WDPCP: variants seen among roughly 807,000 people sequenced by gnomAD.
WDPCP encodes WD repeat containing planar cell polarity effector.
In WDPCP, 71 loss-of-function variants were observed where a neutral mutation model predicts 93.1. That is an observed-to-expected ratio of 0.76 (90% CI 0.63 to 0.93). The LOEUF (loss-of-function observed/expected upper bound fraction) is 0.93. Ranked by LOEUF, WDPCP falls within the 40% of genes least tolerant of loss-of-function variation. The probability of loss-of-function intolerance (pLI) is 0.00; values close to 1 mark genes in which losing one functional copy is unlikely to be tolerated. For synonymous variants in WDPCP, 315 were observed against 315.0 expected, an observed-to-expected ratio of 1.00 and a Z score of 0.00; for missense variants, 844 against 887.4, an observed-to-expected ratio of 0.95 and a Z score of 0.62.
intron 3 of WDPCP, among the ~76,000 whole-genome samples, chr2:63,595,964 T>C (rs1185126542): frequency 2.6e-5 from 4 of 152,292 alleles, no homozygotes; most frequent in East Asian, 1.9e-4. Flanking sequence ...TGGAAGTTGG[T>C]TGGTTCCTCT....
intron 1 of WDPCP, among the ~76,000 whole-genome samples, chr2:63,503,554 C>T (rs1467566911): frequency 6.6e-6 from 1 of 152,082 alleles, no homozygotes; most frequent in Non-Finnish European, 1.5e-5. Context: ...CAGATACCTA[C>T]TTTTCTGATC....
At chr2:63,143,555 G>C (rs1480796340) in intron 17 of WDPCP, among the ~76,000 whole-genome samples, 1 of 152,116 alleles carries the variant, frequency 6.6e-6, no homozygotes, top group African/African-American at 2.4e-5. Context: ...ATGCTTTAAA[G>C]AGGTTCTGTT....
chr2:63,403,878 G>C (rs2105181362), intron 10 of WDPCP, 170 bp downstream of exon 10: 1 of 841,772 alleles, frequency 1.2e-6, no homozygotes, highest in East Asian at 2.7e-5. Context: ...GTGTTCCTTT[G>C]GCAGTTAGAA....
intron 14 of WDPCP, among the ~76,000 whole-genome samples, chr2:63,251,852 G>A (rs1011446619): frequency 6.6e-6 from 1 of 151,642 alleles, no homozygotes; most frequent in Non-Finnish European, 1.5e-5. Context: ...AATTATACTA[G>A]ATGTATAAAG....
At chr2:63,783,230 G>A (rs1261945282) in intron 2 of WDPCP, among the ~76,000 whole-genome samples, 1 of 151,848 alleles carries the variant, frequency 6.6e-6, no homozygotes, top group Non-Finnish European at 1.5e-5. Flanking sequence ...TGGACAATAT[G>A]GCAAGACTCT....
intron 2 of WDPCP, among the ~76,000 whole-genome samples, chr2:63,796,563 G>A (rs568985164): frequency 6.6e-6 from 1 of 152,348 alleles, no homozygotes; most frequent in South Asian, 2.1e-4. Flanking sequence ...GGGAGAAGGA[G>A]GCCACAGTGA....
At chr2:63,818,924 T>A (rs543634808) in intron 1 of WDPCP, among the ~76,000 whole-genome samples, 1 of 152,204 alleles carries the variant, frequency 6.6e-6, no homozygotes, top group Non-Finnish European at 1.5e-5. Flanking sequence ...ATATGGGTGC[T>A]GGCTGTGTAA....
chr2:63,371,468 A>G (rs888865509), intron 12 of WDPCP, among the ~76,000 whole-genome samples: 1 of 152,076 alleles, frequency 6.6e-6, no homozygotes, highest in Admixed American at 6.6e-5. Context: ...CTATTATTCA[A>G]GAGAATACTC....
At chr2:63,703,868 T>G (rs1187753844) in intron 2 of WDPCP, among the ~76,000 whole-genome samples, 1 of 152,180 alleles carries the variant, frequency 6.6e-6, no homozygotes, top group Non-Finnish European at 1.5e-5. Context: ...GGGATGGCAT[T>G]GAATCTATAA....
rs1692857794 is a variant in WDPCP, at chr2:63,387,685, C to G, written c.1436-5591G>C. Among the ~76,000 whole-genome samples the G allele has an allele frequency of 2.0e-5, 3 of 151,646 alleles. No homozygotes were observed. The South Asian group carries it at 6.2e-4, about 32-fold the overall frequency. ...TCCAAATAGAAGACATGAAGTCAAA[C>G]TATCTCTGTTTGTAGAAAATATGAT... On this transcript the variant is annotated intron_variant, in intron 10 of 17. Coordinates refer to ENST00000272321, the MANE Select transcript of WDPCP (RefSeq NM_015910.7).
At chr2:63,283,287 C>T (rs1205239924) in intron 13 of WDPCP, among the ~76,000 whole-genome samples, 2 of 152,200 alleles carry the variant, frequency 1.3e-5, no homozygotes, top group Non-Finnish European at 2.9e-5. Context: ...AAGCAATCCG[C>T]CTGCCTGAAG....
chr2:63,209,491 C>T (rs1676599358), intron 14 of WDPCP, among the ~76,000 whole-genome samples: 1 of 152,198 alleles, frequency 6.6e-6, no homozygotes, highest in African/African-American at 2.4e-5. Context: ...GCTTCAACAC[C>T]CACTGTGGAC....
intron 14 of WDPCP, among the ~76,000 whole-genome samples, chr2:63,220,365 A>G (rs1468628129): frequency 1.3e-5 from 2 of 151,956 alleles, no homozygotes; most frequent in Non-Finnish European, 2.9e-5. Context: ...AACATAAACA[A>G]CTCTAGGCTG....
At chr2:63,762,670 G>A (rs904082604) in intron 2 of WDPCP, among the ~76,000 whole-genome samples, 8 of 152,182 alleles carry the variant, frequency 5.3e-5, no homozygotes, top group Non-Finnish European at 8.8e-5. Context: ...GAAGCTGAGT[G>A]TACTAACATG....
At chr2:63,207,352 C>G (rs539905350) in intron 14 of WDPCP, among the ~76,000 whole-genome samples, 12 of 152,266 alleles carry the variant, frequency 7.9e-5, no homozygotes, top group Middle Eastern at 3.4e-3. Flanking sequence ...CCCTCTCCAC[C>G]ATGTGAAGAA....
intron 9 of WDPCP, among the ~76,000 whole-genome samples, chr2:63,418,556 T>C (rs1312065626): frequency 1.3e-5 from 2 of 152,214 alleles, no homozygotes; most frequent in African/African-American, 2.4e-5. Flanking sequence ...CTTCAGGTAC[T>C]TCCTAGACTT....
intron 1 of WDPCP, among the ~76,000 whole-genome samples, chr2:63,530,885 C>CG (rs60155833): frequency 1 from 152,314 of 152,334 alleles, 76,147 homozygotes; most frequent in Middle Eastern, 1. Flanking sequence ...CAAAGCAAGG[C>CG]GGGCATTGCC....
intron 1 of WDPCP, among the ~76,000 whole-genome samples, chr2:63,522,751 G>C (rs1703039565): frequency 2.6e-5 from 4 of 151,984 alleles, no homozygotes; most frequent in Admixed American, 2.6e-4. Flanking sequence ...ACCTCCCAAG[G>C]CTGAACCAGG....
At chr2:63,304,276 CAT>C (rs1407760616) in intron 13 of WDPCP, among the ~76,000 whole-genome samples, 8 of 152,136 alleles carry the variant, frequency 5.3e-5, no homozygotes, top group African/African-American at 1.9e-4. Context: ...GAAAATGTGA[CAT>C]ATGGGTGGCT....
Sources: allele counts gnomAD v4.1 joint callset (sites outside exome capture counted in the v4.1 genomes callset), GRCh38; gene constraint gnomAD v4.1.1; transcripts MANE v1.5; gene names NCBI Gene and HGNC (gene_info 2026-07-23, HGNC 2026-07-21).